Variants in FBRSL1 observed in about 807,000 individuals in gnomAD.
FBRSL1 encodes fibrosin-1-like protein.
A neutral mutation model predicts 89.6 loss-of-function variants in FBRSL1; 51 were observed. The ratio of observed to expected loss-of-function variants is 0.57; its 90% CI spans 0.45 to 0.72. FBRSL1 has a LOEUF of 0.72. FBRSL1 is among the 30% of genes least tolerant of loss of function. The pLI, the probability that FBRSL1 is intolerant of heterozygous loss-of-function variation, is 0.00. For synonymous variants in FBRSL1, 779 were observed against 681.1 expected (o/e 1.14, Z -2.24); for missense variants, 1,618 against 1,451.8 (o/e 1.11, Z -1.86).
At chr12:132,526,507 G>A (rs765990986) in intron 3 of FBRSL1, among the ~76,000 whole-genome samples, 1 of 152,184 alleles carries the variant, frequency 6.6e-6, no homozygotes, top group Non-Finnish European at 1.5e-5. Context: ...TGGCAGCTGG[G>A]AGCTGGCGGG....
At position 132,583,860 on chromosome 12, in the gene FBRSL1, C is replaced by T. The variant is rs2040970101; in HGVS notation, c.*82C>T. 5 of 857,404 alleles carry T rather than the reference C, an allele frequency of 5.8e-6. No homozygotes were observed. The highest frequency in any genetic ancestry group is 1.8e-5 in the African/African-American group (1 of 55,330). The allele number at this position is 857,404 out of a possible 1,614,324, so 53.1% of individuals were successfully genotyped here. On this transcript the variant is annotated 3_prime_UTR_variant, in exon 19 of 19. Coordinates refer to ENST00000680143, the MANE Select transcript of FBRSL1 (RefSeq NM_001367871.1). ...AGTTCCTAGAACTCAAGCACAGCTC[C>T]CGCCGATCCTGGGGCGGCGCCGCCT... is the stretch of plus-strand genomic sequence containing the variant.
chr12:132,545,496 T>C (rs2037616016), intron 4 of FBRSL1, among the ~76,000 whole-genome samples: 1 of 152,246 alleles, frequency 6.6e-6, no homozygotes, highest in Non-Finnish European at 1.5e-5. Flanking sequence ...TGCAGCGTCC[T>C]CTGGTGCGCT....
At chr12:132,530,563 C>G (rs1041992820) in intron 4 of FBRSL1, among the ~76,000 whole-genome samples, 1 of 152,072 alleles carries the variant, frequency 6.6e-6, no homozygotes, top group Non-Finnish European at 1.5e-5. Flanking sequence ...CCCTGAGCCA[C>G]TGGGTGCCCT....
rs999088751 is a variant in FBRSL1 at position 132,564,888 on chromosome 12, C to T, written c.646-2593C>T. The stretch of plus-strand genomic sequence containing the variant: ...TCGTGATCCGCCGGCCTCGGCCTCC[C>T]GCAGTGCTGGGATTTCAGGCGTGAG... On this transcript the variant is annotated intron_variant, in intron 5 of 18. Transcript: ENST00000680143. Among the ~76,000 whole-genome samples the T allele has an allele frequency of 4.6e-5, 7 of 152,172 alleles. No homozygotes were observed. In the East Asian group the frequency reaches 5.8e-4, roughly 13 times the overall value.
Position 132,527,955 on chromosome 12 carries a change from C to T in FBRSL1, c.582C>T (p.Ser194=). ...CTGTCCCCTCTTCCTTCCTGCAGAG[C>T]TCTGCGCATGCGGTCTCGGGGAGAG... ...ATSSRDPLSD[S]SAHAVSGRGY... Residue 194 remains serine (S), a splice_region_variant and synonymous_variant, in exon 4 of 19, where the codon AGC becomes AGT. Transcript: ENST00000680143. The T allele has an allele frequency of 6.4e-7, 1 of 1,551,370 alleles. No homozygotes were observed. Among genetic ancestry groups the T allele is most frequent in the Non-Finnish European group, 8.7e-7 (1 of 1,146,896 alleles).
At chr12:132,545,182 C>G (rs2037587808) in intron 4 of FBRSL1, among the ~76,000 whole-genome samples, 1 of 152,190 alleles carries the variant, frequency 6.6e-6, no homozygotes, top group Admixed American at 6.5e-5. Context: ...CAGCATGTCC[C>G]TTCGGGGCCT....
intron 5 of FBRSL1, among the ~76,000 whole-genome samples, chr12:132,556,896 CGT>C (rs1302333355): frequency 1.3e-5 from 2 of 152,146 alleles, no homozygotes; most frequent in Non-Finnish European, 2.9e-5. Flanking sequence ...CCTCTCCAGG[CGT>C]GAGAGGACAC....
intron 2 of FBRSL1, chr12:132,509,376 G>T (rs2136600900): frequency 8.0e-7 from 1 of 1,242,998 alleles, no homozygotes; most frequent in Non-Finnish European, 1.0e-6. Context: ...GTCACTTCTG[G>T]GCCTGAAACA....
rs555208348 is a variant in FBRSL1 at position 132,513,033 on chromosome 12, G to A, written c.489+4683G>A. On this transcript the variant is annotated intron_variant, in intron 2 of 18. Transcript: ENST00000680143. ...GTTGTGTCCTGGGGCCCGCGCCCTGGTGGGGACACTGCTGCCAGGCGTCGC... is the reference window on the plus strand; with the variant it reads ...GTTGTGTCCTGGGGCCCGCGCCCTGATGGGGACACTGCTGCCAGGCGTCGC... Among the ~76,000 whole-genome samples, 26 of 152,368 alleles carry A rather than the reference G, an allele frequency of 1.7e-4. No homozygotes were observed. In the South Asian group the frequency reaches 4.6e-3, roughly 27 times the overall value.
intron 15 of FBRSL1, among the ~76,000 whole-genome samples, chr12:132,579,995 C>T (rs895565548): frequency 2.0e-5 from 3 of 152,182 alleles, no homozygotes; most frequent in Non-Finnish European, 2.9e-5. Flanking sequence ...GCCTGAACTC[C>T]GCAGGCCCTG....
chr12:132,566,520 T>C (rs1380313242), intron 5 of FBRSL1: 2 of 44,584 alleles, frequency 4.5e-5, no homozygotes, highest in African/African-American at 3.0e-4. Context: ...CATGGGGCCC[T>C]CCGTCCACCC....
chr12:132,516,334 G>A (rs1190379444), intron 2 of FBRSL1, among the ~76,000 whole-genome samples: 1 of 152,076 alleles, frequency 6.6e-6, no homozygotes, highest in Non-Finnish European at 1.5e-5. Context: ...ACAGGCAAGT[G>A]CCACCACGCC....
At chr12:132,532,197 G>A (rs2036346260) in intron 4 of FBRSL1, among the ~76,000 whole-genome samples, 1 of 152,126 alleles carries the variant, frequency 6.6e-6, no homozygotes, top group Non-Finnish European at 1.5e-5. Flanking sequence ...GGTGGTGGTG[G>A]CAGCCCATGG....
In FBRSL1 at chr12:132,490,714, C is replaced by T; in HGVS notation, c.144C>T (p.Gly48=). The T allele has an allele frequency of 1.0e-6, 1 of 988,034 alleles. No individual in the cohort carries two copies. Among genetic ancestry groups the T allele is most frequent in the Non-Finnish European group, 1.2e-6 (1 of 831,866 alleles). The allele number at this position is 988,034 out of a possible 1,614,324, so 61.2% of individuals were successfully genotyped here. ...PEPSPGKENA[G]LRGAPPRGAA... ...CCAGCCCCGGCAAGGAGAACGCGGGCCTCCGCGGCGCGCCCCCCCGAGGCG... is the reference window on the plus strand; with the variant it reads ...CCAGCCCCGGCAAGGAGAACGCGGGTCTCCGCGGCGCGCCCCCCCGAGGCG... Residue 48 remains glycine, a synonymous_variant, in exon 1 of 19, where the codon GGC becomes GGT. Transcript: ENST00000680143.
chr12:132,539,373 C>T (rs1229830727), intron 4 of FBRSL1, among the ~76,000 whole-genome samples: 2 of 148,076 alleles, frequency 1.4e-5, no homozygotes, highest in Non-Finnish European at 3.0e-5. Flanking sequence ...TGCCCTCCAG[C>T]CCCATGTCCA....
chr12:132,528,122 C>A, intron 4 of FBRSL1, 134 bp downstream of exon 4: 2 of 795,246 alleles, frequency 2.5e-6, no homozygotes, highest in African/African-American at 1.7e-5. Flanking sequence ...GAGCCCCAGA[C>A]TGGTTCTGGC....
At chr12:132,550,208 G>GAGGGGCTGCGGAGGACGGCAGGGGAGC (rs11395214) in intron 5 of FBRSL1, among the ~76,000 whole-genome samples, 1 of 146,238 alleles carries the variant, frequency 6.8e-6, no homozygotes, top group African/African-American at 2.7e-5. Context: ...CAGCAGGGGA[G>GAGGGGCTGCGGAGGACGGCAGGGGAGC]GGAGAGGGGC....
rs72443894 is a variant in FBRSL1, at chr12:132,584,819, T to TACAC, written c.*1071_*1074dup. On this transcript the variant is annotated 3_prime_UTR_variant, in exon 19 of 19. Transcript: ENST00000680143. The stretch of plus-strand genomic sequence containing the variant: ...AGTGCAAGAGTCTAAAGGCTGATTT[T>TACAC]ACACACACACACACACACACACACA... The TACAC allele has an allele frequency of 0.25, 25,052 of 99,248 alleles. 2,060 individuals are homozygous for TACAC. Among genetic ancestry groups the TACAC allele is most frequent in the Admixed American group, 0.29 (2,432 of 8,344 alleles). 6.1% of individuals were successfully genotyped at this position (99,248 alleles called of 1,614,324 possible). A position where few individuals can be genotyped will look rare whatever the true frequency, so the allele number is the denominator to read the frequency against.
chr12:132,544,021 G>A (rs778906406), intron 4 of FBRSL1, among the ~76,000 whole-genome samples: 2 of 152,184 alleles, frequency 1.3e-5, no homozygotes, highest in Non-Finnish European at 2.9e-5. Flanking sequence ...CACCTTAGGC[G>A]TGAGGGCCGG....
Sources: gnomAD v4.1 joint callset for allele counts (sites outside exome capture counted in the v4.1 genomes callset) on GRCh38, gnomAD v4.1.1 for gene constraint, MANE v1.5 for transcripts, NCBI Gene and HGNC (gene_info 2026-07-23, HGNC 2026-07-21) for gene names.